SUPT3H: variants seen among roughly 807,000 people sequenced by gnomAD.
SUPT3H encodes the protein transcription initiation protein SPT3 homolog.
In SUPT3H, 44 loss-of-function variants were observed where a neutral mutation model predicts 44.3. The ratio of observed to expected loss-of-function variants is 0.99; its 90% CI spans 0.78 to 1.28. SUPT3H has a LOEUF of 1.28. Among genes scored for constraint, SUPT3H ranks in the 50% most tolerant of loss-of-function variants. The pLI is 0.00. For synonymous variants in SUPT3H, 124 were observed against 125.6 expected, an observed-to-expected ratio of 0.99 and a Z score of 0.09; for missense variants, 380 against 387.1, an observed-to-expected ratio of 0.98 and a Z score of 0.15.
At chr6:44,988,634 A>T (rs991040191) in intron 6 of SUPT3H, among the ~76,000 whole-genome samples, 3 of 151,746 alleles carry the variant, frequency 2.0e-5, no homozygotes, top group Non-Finnish European at 4.4e-5. Context: ...TTTTTAAAAA[A>T]AAGACTACAT....
downstream of SUPT3H, among the ~76,000 whole-genome samples, chr6:44,823,742 G>A (rs1767526529): frequency 1.3e-5 from 2 of 152,058 alleles, no homozygotes; most frequent in African/African-American, 2.4e-5. Flanking sequence ...CGGGTGGATC[G>A]CCCGAGGTCA....
chr6:45,237,173 A>G (rs1029728069), intron 2 of SUPT3H, among the ~76,000 whole-genome samples: 1 of 152,212 alleles, frequency 6.6e-6, no homozygotes, highest in African/African-American at 2.4e-5. Flanking sequence ...ATTACTGATC[A>G]ATGTCCTACC....
intron 2 of SUPT3H, among the ~76,000 whole-genome samples, chr6:45,326,619 C>T (rs2150056945): frequency 6.6e-6 from 1 of 151,960 alleles, no homozygotes; most frequent in Non-Finnish European, 1.5e-5. Context: ...AGGTTCTGGA[C>T]ATTTGAAAAA....
At chr6:45,235,498 G>A (rs960499650) in intron 2 of SUPT3H, among the ~76,000 whole-genome samples, 4 of 151,942 alleles carry the variant, frequency 2.6e-5, no homozygotes, top group Admixed American at 6.6e-5. Context: ...TATATTTACA[G>A]GATATATACA....
chr6:45,133,271 A>C (rs1476790180), intron 2 of SUPT3H, among the ~76,000 whole-genome samples: 3 of 152,198 alleles, frequency 2.0e-5, no homozygotes, highest in Non-Finnish European at 4.4e-5. Context: ...CAACATACTT[A>C]GTTTCCTGCA....
chr6:44,936,629 T>G (rs1205942492), intron 9 of SUPT3H, among the ~76,000 whole-genome samples: 2 of 152,216 alleles, frequency 1.3e-5, no homozygotes, highest in Non-Finnish European at 2.9e-5. Flanking sequence ...ATAAGATGAT[T>G]GCCTCTAGTT....
chr6:44,994,752 AAG>A (rs1037368333), intron 6 of SUPT3H, among the ~76,000 whole-genome samples: 31 of 152,126 alleles, frequency 2.0e-4, no homozygotes, highest in Non-Finnish European at 4.6e-4. Context: ...ATATGACCTG[AAG>A]ATTAGGCCAA....
chr6:45,209,769 G>A (rs975308773), intron 2 of SUPT3H, among the ~76,000 whole-genome samples: 3 of 152,196 alleles, frequency 2.0e-5, no homozygotes, highest in Non-Finnish European at 4.4e-5. Context: ...TCTGCTGTGG[G>A]TAAAATGCTA....
intron 2 of SUPT3H, among the ~76,000 whole-genome samples, chr6:45,135,026 CAA>C (rs1804055393): frequency 6.6e-6 from 1 of 152,168 alleles, no homozygotes; most frequent in Non-Finnish European, 1.5e-5. Flanking sequence ...GCAGAATTAG[CAA>C]AGTTTACAGG....
chr6:45,106,024 A>G lies in SUPT3H; in HGVS notation c.102-18T>C, dbSNP rs1431981450. On this transcript the variant is annotated intron_variant, in intron 2 of 10. Coordinates refer to ENST00000371459, the MANE Select transcript of SUPT3H (RefSeq NM_003599.4). The stretch of plus-strand genomic sequence containing the variant: ...AAGAATACCTGCAAAATAATTTTAA[A>G]CACACCAATATTAAGGACTATAAAA... 6.3e-7 allele frequency: 1 copy of G among 1,588,296 alleles called. No individual in the cohort carries two copies. The highest frequency in any genetic ancestry group is 1.7e-5 in the Admixed American group (1 of 59,892).
intron 2 of SUPT3H, among the ~76,000 whole-genome samples, chr6:45,352,607 C>T (rs1563006148): frequency 6.6e-6 from 1 of 152,054 alleles, no homozygotes. Flanking sequence ...TTTTATGCTT[C>T]TATGATTCAC....
chr6:44,881,014 C>T (rs985617218), intron 10 of SUPT3H, among the ~76,000 whole-genome samples: 2 of 152,044 alleles, frequency 1.3e-5, no homozygotes, highest in Admixed American at 6.6e-5. Flanking sequence ...GCAAAATAAC[C>T]AGCTGGCATC....
chr6:45,260,513 T>C (rs1396968702), intron 2 of SUPT3H, among the ~76,000 whole-genome samples: 1 of 152,194 alleles, frequency 6.6e-6, no homozygotes, highest in African/African-American at 2.4e-5. Context: ...GATTGAATGA[T>C]AATCATAATA....
intron 3 of SUPT3H, among the ~76,000 whole-genome samples, chr6:45,067,479 A>C (rs1474494905): frequency 7.9e-4 from 117 of 147,430 alleles, no homozygotes; most frequent in Non-Finnish European, 1.4e-3. Context: ...TAATTAAACT[A>C]AAGAGCTTCT....
At chr6:44,972,346 A>G (rs909093202) in intron 6 of SUPT3H, among the ~76,000 whole-genome samples, 2 of 152,112 alleles carry the variant, frequency 1.3e-5, no homozygotes, top group South Asian at 4.1e-4. Flanking sequence ...ATCTCTTTTG[A>G]CTCCATGTCT....
chr6:45,293,753 C>A (rs1780676362), intron 2 of SUPT3H, among the ~76,000 whole-genome samples: 1 of 152,090 alleles, frequency 6.6e-6, no homozygotes, highest in Admixed American at 6.5e-5. Context: ...TGGATAAATT[C>A]TTGAAAAGAT....
intron 2 of SUPT3H, among the ~76,000 whole-genome samples, chr6:45,305,701 A>C (rs1221149083): frequency 6.6e-6 from 1 of 152,216 alleles, no homozygotes; most frequent in African/African-American, 2.4e-5. Context: ...CAATAATGGA[A>C]ATGACATCAC....
chr6:45,031,757 G>A (rs1786975991), intron 3 of SUPT3H, among the ~76,000 whole-genome samples: 1 of 152,130 alleles, frequency 6.6e-6, no homozygotes, highest in Non-Finnish European at 1.5e-5. Flanking sequence ...CCATAAGAAA[G>A]AATGGCGCAA....
intron 6 of SUPT3H, among the ~76,000 whole-genome samples, chr6:44,999,699 T>C (rs1781759649): frequency 6.6e-6 from 1 of 152,056 alleles, no homozygotes; most frequent in Non-Finnish European, 1.5e-5. Context: ...AAGATGGGGA[T>C]GGTGTGTTCT....
Sources: allele counts gnomAD v4.1 joint callset (sites outside exome capture counted in the v4.1 genomes callset), GRCh38; gene constraint gnomAD v4.1.1; transcripts MANE v1.5; gene names NCBI Gene and HGNC (gene_info 2026-07-23, HGNC 2026-07-21).